MAP4K4: variants seen among roughly 807,000 people sequenced by gnomAD.
MAP4K4 encodes the protein HPK/GCK-like kinase HGK.
MAP4K4 carries 38 observed loss-of-function variants against 189.6 expected under a neutral mutation model. That is an observed-to-expected ratio of 0.20 (90% confidence interval 0.15 to 0.26). The LOEUF is 0.26. Ranked by LOEUF, MAP4K4 falls within the 10% of genes least tolerant of loss-of-function variation. The pLI is 1.00. For missense variants in MAP4K4, 1,054 were observed against 1,726.9 expected (o/e 0.61, Z 6.91); for synonymous variants, 610 against 624.3 (o/e 0.98, Z 0.34).
At chr2:101,810,578 C>T (rs1019749368) in intron 3 of MAP4K4, among the ~76,000 whole-genome samples, 1 of 151,902 alleles carries the variant, frequency 6.6e-6, no homozygotes. Context: ...TTATGATTTT[C>T]CCCCCCAAGT....
intron 2 of MAP4K4, among the ~76,000 whole-genome samples, chr2:101,701,468 C>A (rs1371769022): frequency 6.6e-6 from 1 of 152,068 alleles, no homozygotes; most frequent in East Asian, 1.9e-4. Context: ...GGAGAGACAT[C>A]TTCTTTAAGC....
At chr2:101,847,597 A>G (rs2149651035) in intron 12 of MAP4K4, among the ~76,000 whole-genome samples, 2 of 152,364 alleles carry the variant, frequency 1.3e-5, no homozygotes, top group Middle Eastern at 6.8e-3. Context: ...TAATTAGGAA[A>G]AAGTTTATAG....
At chr2:101,836,810 G>C (rs921520639) in intron 9 of MAP4K4, among the ~76,000 whole-genome samples, 33 of 152,278 alleles carry the variant, frequency 2.2e-4, no homozygotes, top group Admixed American at 2.1e-3. Context: ...TTGTCAAACA[G>C]AGTACTGATA....
At chr2:101,718,212 C>T (rs111870299) in intron 2 of MAP4K4, among the ~76,000 whole-genome samples, 9,460 of 150,186 alleles carry the variant, frequency 0.063, 801 homozygotes, top group African/African-American at 0.19. Flanking sequence ...GCCAAGATCG[C>T]GCCATTGCAC....
chr2:101,774,997 T>C (rs910304588), intron 2 of MAP4K4, among the ~76,000 whole-genome samples: 3 of 151,844 alleles, frequency 2.0e-5, no homozygotes, highest in Admixed American at 2.0e-4. Context: ...CCATTTTGTT[T>C]ATCAATCTCA....
At chr2:101,829,792 C>G in intron 6 of MAP4K4, 198 bp downstream of exon 6, 1 of 514,816 alleles carries the variant, frequency 1.9e-6, no homozygotes, top group Non-Finnish European at 3.6e-6. Flanking sequence ...CCCCCCTGCC[C>G]CCTGGTTCTC....
At chr2:101,777,515 C>CA (rs897435284) in intron 2 of MAP4K4, among the ~76,000 whole-genome samples, 1 of 152,186 alleles carries the variant, frequency 6.6e-6, no homozygotes, top group African/African-American at 2.4e-5. Flanking sequence ...AGTGGCAAGA[C>CA]AAAGTCATTC....
At chr2:101,792,335 A>G (rs996466584) in intron 3 of MAP4K4, among the ~76,000 whole-genome samples, 2 of 152,084 alleles carry the variant, frequency 1.3e-5, no homozygotes, top group African/African-American at 4.8e-5. Context: ...AATTTTATGA[A>G]CTGAGAGTTC....
At chr2:101,865,655 T>A (rs1219690819) in intron 18 of MAP4K4, among the ~76,000 whole-genome samples, 1 of 152,224 alleles carries the variant, frequency 6.6e-6, no homozygotes, top group Non-Finnish European at 1.5e-5. Context: ...AGCTCAAATA[T>A]AGAACATTTT....
chr2:101,822,882 G>A (rs1188011397), intron 3 of MAP4K4, among the ~76,000 whole-genome samples: 2 of 152,118 alleles, frequency 1.3e-5, no homozygotes, highest in Non-Finnish European at 1.5e-5. Context: ...CTAGAGATCT[G>A]GTCATCAGAT....
chr2:101,807,192 A>G (rs982889826), intron 3 of MAP4K4, among the ~76,000 whole-genome samples: 2 of 152,194 alleles, frequency 1.3e-5, no homozygotes, highest in African/African-American at 4.8e-5. Context: ...CTGGGGTTAT[A>G]GGTGTGTGCC....
In MAP4K4 at chr2:101,760,486, T is replaced by C. The variant is rs2075769170; in HGVS notation, c.124-30234T>C. 2.3e-5 allele frequency among the ~76,000 whole-genome samples: 3 copies of C among 129,574 alleles called. No homozygotes were observed. In the South Asian group the frequency reaches 6.9e-4, roughly 30 times the overall value. The allele number at this position is 129,574 out of a possible 152,430, so 85.0% of individuals were successfully genotyped here. On this transcript the variant is annotated intron_variant, in intron 2 of 32. Transcript: ENST00000324219. ...CCTGGCAACACAGCAAGACTCCATCTCAAAAAAAAAAAACAAAATATATAT... is the reference window on the plus strand; with the variant it reads ...CCTGGCAACACAGCAAGACTCCATCCCAAAAAAAAAAAACAAAATATATAT...
chr2:101,815,275 T>C (rs2095651260), intron 3 of MAP4K4, among the ~76,000 whole-genome samples: 1 of 152,220 alleles, frequency 6.6e-6, no homozygotes, highest in Non-Finnish European at 1.5e-5. Flanking sequence ...GGTCTTTTAC[T>C]CTGCCACTCT....
chr2:101,713,712 T>C (rs1355753596), intron 2 of MAP4K4, among the ~76,000 whole-genome samples: 1 of 136,900 alleles, frequency 7.3e-6, no homozygotes, highest in Non-Finnish European at 1.7e-5. Flanking sequence ...CTCACCAGCA[T>C]GGCGAAACCC....
At chr2:101,875,522 A>G (rs916836899) in intron 26 of MAP4K4, among the ~76,000 whole-genome samples, 2 of 152,174 alleles carry the variant, frequency 1.3e-5, no homozygotes, top group East Asian at 1.9e-4. Context: ...TGTTCTCTCA[A>G]TGCCGTCACA....
chr2:101,887,553 A>G (rs905849550), intron 30 of MAP4K4, among the ~76,000 whole-genome samples: 3 of 152,164 alleles, frequency 2.0e-5, no homozygotes, highest in Non-Finnish European at 4.4e-5. Flanking sequence ...CCCAGCATCC[A>G]ATGTTTCATG....
intron 2 of MAP4K4, among the ~76,000 whole-genome samples, chr2:101,750,800 T>C (rs1011487896): frequency 2.7e-5 from 4 of 149,892 alleles, no homozygotes; most frequent in African/African-American, 9.9e-5. Context: ...CACTCCAGCC[T>C]GGGTGACAGA....
At chr2:101,818,231 T>G (rs1413299645) in intron 3 of MAP4K4, among the ~76,000 whole-genome samples, 2 of 152,196 alleles carry the variant, frequency 1.3e-5, no homozygotes, top group African/African-American at 4.8e-5. Flanking sequence ...TGTAAACTGT[T>G]TTTTAAAAAC....
chr2:101,866,548 G>C lies in MAP4K4; in HGVS notation c.2325G>C (p.Gln775His), dbSNP rs534466891. 27 of 1,613,578 alleles carry C rather than the reference G, an allele frequency of 1.7e-5. No homozygotes were observed. In the East Asian group the frequency reaches 5.4e-4, roughly 32 times the overall value. The change falls in exon 19 of 33, where the codon CAG (glutamine) becomes CAC (histidine). Residue 775 changes from glutamine to histidine, a missense_variant. Gln to His is a conservative substitution (Grantham distance 24, BLOSUM62 0). Transcript: ENST00000324219. ...AGCCCGGGTCTCACCCTGGGTCTCAGAGTGGCTCCGGGGAACGCTTCAGAG... is the reference window on the plus strand; with the variant it reads ...AGCCCGGGTCTCACCCTGGGTCTCACAGTGGCTCCGGGGAACGCTTCAGAG...
Sources: gnomAD v4.1 joint callset for allele counts (sites outside exome capture counted in the v4.1 genomes callset) on GRCh38, gnomAD v4.1.1 for gene constraint, MANE v1.5 for transcripts, NCBI Gene and HGNC (gene_info 2026-07-23, HGNC 2026-07-21) for gene names.